The following SOX5 variants were observed in gnomAD, a reference collection of about 807,000 sequenced individuals.
SOX5 encodes transcription factor SOX-5.
Under a neutral mutation model 92.0 loss-of-function variants are expected in SOX5, and 9 were observed. The ratio of observed to expected loss-of-function variants is 0.10; its 90% CI spans 0.06 to 0.17. The LOEUF (loss-of-function observed/expected upper bound fraction) is 0.17, where lower values mean the gene tolerates loss of function less well. Among genes scored for constraint, SOX5 ranks in the 10% least tolerant of loss-of-function variants. The pLI, the probability that SOX5 is intolerant of heterozygous loss-of-function variation, is 1.00. For synonymous variants in SOX5, 344 were observed against 336.3 expected, an observed-to-expected ratio of 1.02 and a Z score of -0.25; for missense variants, 642 against 944.5, an observed-to-expected ratio of 0.68 and a Z score of 4.20.
chr12:23,612,607 A>G (rs2076096608), intron 8 of SOX5, among the ~76,000 whole-genome samples: 1 of 152,192 alleles, frequency 6.6e-6, no homozygotes, highest in Non-Finnish European at 1.5e-5. Context: ...GGCAAGAACA[A>G]TTAACATATA....
At chr12:24,194,157 T>C (rs1441982926) in intron 4 of SOX5, among the ~76,000 whole-genome samples, 1 of 152,206 alleles carries the variant, frequency 6.6e-6, no homozygotes, top group African/African-American at 2.4e-5. Flanking sequence ...TGTAACAAAG[T>C]CAAATGGTAG....
intron 3 of SOX5, among the ~76,000 whole-genome samples, chr12:24,244,048 TAAAAAAAAAAAA>T (rs3031151): frequency 1.5e-5 from 2 of 131,602 alleles, no homozygotes; most frequent in Non-Finnish European, 3.4e-5. Context: ...GGCATATTGA[TAAAAAAAAAAAA>T]AAAAAAGAAA....
intron 4 of SOX5, among the ~76,000 whole-genome samples, chr12:23,754,206 A>T (rs1400728178): frequency 1.3e-5 from 2 of 151,414 alleles, no homozygotes; most frequent in African/African-American, 4.9e-5. Context: ...GTGAAGGAAA[A>T]CGAGGGAGGG....
intron 2 of SOX5, among the ~76,000 whole-genome samples, chr12:24,280,885 T>C (rs1160676825): frequency 5.3e-5 from 8 of 151,924 alleles, no homozygotes; most frequent in Non-Finnish European, 1.0e-4. Context: ...TGAGAATATC[T>C]TCTTCTACAT....
At chr12:23,949,528 T>A in intron 1 of SOX5, 36 bp downstream of exon 1, 1 of 1,612,020 alleles carries the variant, frequency 6.2e-7, no homozygotes, top group Non-Finnish European at 8.5e-7. Flanking sequence ...GGGAGAGTTG[T>A]ACTTCAATAT....
At chr12:23,867,912 A>G (rs1056128203) in intron 2 of SOX5, among the ~76,000 whole-genome samples, 1 of 152,054 alleles carries the variant, frequency 6.6e-6, no homozygotes, top group African/African-American at 2.4e-5. Flanking sequence ...AGATAGATTT[A>G]AGTAAATACC....
chr12:24,255,916 A>G (rs1161194158), intron 3 of SOX5, among the ~76,000 whole-genome samples: 1 of 152,220 alleles, frequency 6.6e-6, no homozygotes, highest in Non-Finnish European at 1.5e-5. Context: ...AGCAATCAAT[A>G]AAAGAGGCTC....
intron 4 of SOX5, among the ~76,000 whole-genome samples, chr12:24,027,683 A>T (rs1955030184): frequency 6.6e-6 from 1 of 151,848 alleles, no homozygotes; most frequent in African/African-American, 2.4e-5. Flanking sequence ...ACCATGTAAG[A>T]TGGTAAGTTT....
At chr12:23,535,726 T>C (rs952825456) in intron 14 of SOX5, among the ~76,000 whole-genome samples, 1 of 152,252 alleles carries the variant, frequency 6.6e-6, no homozygotes, top group African/African-American at 2.4e-5. Context: ...AAAGGTTTTA[T>C]GAGTCCTTCT....
At chr12:24,032,568 T>G (rs1955618708) in intron 4 of SOX5, among the ~76,000 whole-genome samples, 1 of 151,914 alleles carries the variant, frequency 6.6e-6, no homozygotes, top group Non-Finnish European at 1.5e-5. Context: ...AGAATTAATC[T>G]GGTGTGCTAG....
At chr12:24,101,051 C>T (rs1163510824) in intron 4 of SOX5, among the ~76,000 whole-genome samples, 2 of 152,162 alleles carry the variant, frequency 1.3e-5, no homozygotes, top group African/African-American at 2.4e-5. Flanking sequence ...TTCTCCAACA[C>T]CTTCTCCACA....
chr12:23,816,918 C>T (rs1028922864), intron 3 of SOX5, among the ~76,000 whole-genome samples: 5 of 152,188 alleles, frequency 3.3e-5, no homozygotes, highest in African/African-American at 9.6e-5. Context: ...AACAGTTCTA[C>T]TCTCATATCA....
chr12:23,547,193 C>T (rs1943303557), intron 11 of SOX5, among the ~76,000 whole-genome samples: 1 of 152,016 alleles, frequency 6.6e-6, no homozygotes, highest in Non-Finnish European at 1.5e-5. Flanking sequence ...CCATATGAGA[C>T]ATTACTGTCA....
chr12:23,863,397 A>T (rs1020306448), intron 2 of SOX5, among the ~76,000 whole-genome samples: 1 of 152,206 alleles, frequency 6.6e-6, no homozygotes, highest in South Asian at 2.1e-4. Flanking sequence ...ATGAGGTAGG[A>T]AATATGATCA....
intron 1 of SOX5, among the ~76,000 whole-genome samples, chr12:24,448,124 C>A (rs749506693): frequency 2.6e-5 from 4 of 152,088 alleles, no homozygotes; most frequent in Non-Finnish European, 5.9e-5. Context: ...AGAGGTTGCA[C>A]TCCAGCATGG....
chr12:23,949,752 C>CT (rs1945256816), upstream of SOX5: 12 of 929,880 alleles, frequency 1.3e-5, no homozygotes, highest in African/African-American at 7.2e-5. Flanking sequence ...CTCTCTCTCT[C>CT]CCTCTCTCTC....
At chr12:24,336,316 C>T (rs1204031965) in intron 2 of SOX5, among the ~76,000 whole-genome samples, 2 of 151,938 alleles carry the variant, frequency 1.3e-5, no homozygotes, top group Non-Finnish European at 2.9e-5. Flanking sequence ...GATGGTCTTG[C>T]TCTCCTGACC....
intron 2 of SOX5, among the ~76,000 whole-genome samples, chr12:23,852,201 G>A (rs1027697909): frequency 6.6e-6 from 1 of 151,878 alleles, no homozygotes; most frequent in Non-Finnish European, 1.5e-5. Flanking sequence ...TATGATCTAC[G>A]GAAAGCTCTA....
At chr12:24,167,830 T>C (rs1433989059) in intron 4 of SOX5, among the ~76,000 whole-genome samples, 1 of 152,198 alleles carries the variant, frequency 6.6e-6, no homozygotes, top group Non-Finnish European at 1.5e-5. Context: ...AACCGTCCTA[T>C]AAGAGTCTAA....
Sources: allele counts gnomAD v4.1 joint callset (sites outside exome capture counted in the v4.1 genomes callset), GRCh38; gene constraint gnomAD v4.1.1; transcripts MANE v1.5; gene names NCBI Gene and HGNC (gene_info 2026-07-23, HGNC 2026-07-21).